ZNF407: variants seen among roughly 807,000 people sequenced by gnomAD.
ZNF407 encodes the protein zinc finger protein 407.
In ZNF407, 17 loss-of-function variants were observed where a neutral mutation model predicts 131.2. That is an observed-to-expected ratio of 0.13 (90% CI 0.09 to 0.19). The LOEUF (loss-of-function observed/expected upper bound fraction) is 0.19. ZNF407 is among the 10% of genes least tolerant of loss of function. The pLI is 1.00. For synonymous variants in ZNF407, 1,156 were observed against 1,062.0 expected (o/e 1.09, Z -1.72); for missense variants, 2,681 against 2,830.6 (o/e 0.95, Z 1.20).
intron 3 of ZNF407, among the ~76,000 whole-genome samples, chr18:74,649,467 C>G (rs192684194): frequency 1.3e-5 from 2 of 152,270 alleles, no homozygotes; most frequent in African/African-American, 4.8e-5. Context: ...TGGCTAGGGA[C>G]ATTGATAGTC....
chr18:74,901,517 G>A (rs1200627991), intron 7 of ZNF407, among the ~76,000 whole-genome samples: 1 of 152,174 alleles, frequency 6.6e-6, no homozygotes, highest in Admixed American at 6.5e-5. Context: ...AAGCTTCCCT[G>A]TACTAGGCTA....
At chr18:74,857,923 TCTCCCCTCCCCTCCC>T (rs377479278) in intron 4 of ZNF407, among the ~76,000 whole-genome samples, 1 of 85,784 alleles carries the variant, frequency 1.2e-5, no homozygotes, top group Non-Finnish European at 2.2e-5. Context: ...CCTCCCCTCC[TCTCCCCTCCCCTCCC>T]CTCCCCTTCC....
At chr18:74,759,664 C>T (rs901116841) in intron 3 of ZNF407, among the ~76,000 whole-genome samples, 5 of 151,734 alleles carry the variant, frequency 3.3e-5, no homozygotes, top group African/African-American at 1.2e-4. Flanking sequence ...GTGAATTTTT[C>T]GTTCAATTAT....
At chr18:74,772,340 C>T (rs1163742854) in intron 3 of ZNF407, among the ~76,000 whole-genome samples, 1 of 152,150 alleles carries the variant, frequency 6.6e-6, no homozygotes, top group East Asian at 1.9e-4. Context: ...CCCTATAAAT[C>T]ATCTAAATCT....
At chr18:74,695,896 ATGAGACTACGG>A (rs1967343193) in intron 3 of ZNF407, among the ~76,000 whole-genome samples, 1 of 152,218 alleles carries the variant, frequency 6.6e-6, no homozygotes, top group African/African-American at 2.4e-5. Flanking sequence ...TAAATATATT[ATGAGACTACGG>A]TGTAGTGTTT....
chr18:74,620,962 G>A (rs1983485898), intron 1 of ZNF407, among the ~76,000 whole-genome samples: 1 of 152,192 alleles, frequency 6.6e-6, no homozygotes, highest in Admixed American at 6.5e-5. Flanking sequence ...AGTTACCTCC[G>A]AGGCAGGCCC....
chr18:75,027,211 G>C (rs899725873), intron 8 of ZNF407, among the ~76,000 whole-genome samples: 1 of 152,216 alleles, frequency 6.6e-6, no homozygotes, highest in African/African-American at 2.4e-5. Flanking sequence ...AGAGTGAGCT[G>C]TGCGGCACAT....
At chr18:74,980,115 T>C (rs1249516240) in intron 8 of ZNF407, among the ~76,000 whole-genome samples, 1 of 152,168 alleles carries the variant, frequency 6.6e-6, no homozygotes, top group Admixed American at 6.5e-5. Flanking sequence ...AAAATGTGTT[T>C]CCCTCTATTC....
chr18:74,671,171 A>G (rs1322978968), intron 3 of ZNF407, among the ~76,000 whole-genome samples: 2 of 152,136 alleles, frequency 1.3e-5, no homozygotes, highest in Non-Finnish European at 2.9e-5. Context: ...TGTCAATTCT[A>G]GGTGCCTCAT....
intron 8 of ZNF407, among the ~76,000 whole-genome samples, chr18:75,005,853 G>C (rs1311310140): frequency 6.6e-6 from 1 of 152,034 alleles, no homozygotes; most frequent in Non-Finnish European, 1.5e-5. Flanking sequence ...AGCTCTTGCT[G>C]GTCATGTCTG....
chr18:74,908,953 G>A (rs552078551), intron 7 of ZNF407, among the ~76,000 whole-genome samples: 1 of 151,884 alleles, frequency 6.6e-6, no homozygotes, highest in South Asian at 2.1e-4. Flanking sequence ...AACTTCTTGA[G>A]TTTAATTTAC....
intron 3 of ZNF407, among the ~76,000 whole-genome samples, chr18:74,668,507 C>T (rs983605062): frequency 2.6e-5 from 4 of 152,202 alleles, no homozygotes; most frequent in Non-Finnish European, 5.9e-5. Flanking sequence ...ACCCAGTGTT[C>T]AGAGTGTTTC....
intron 1 of ZNF407, among the ~76,000 whole-genome samples, chr18:74,613,274 TTTATC>T (rs199967589): frequency 1.0e-3 from 154 of 147,472 alleles, no homozygotes; most frequent in African/African-American, 3.6e-3. Context: ...TTTTGTCATA[TTTATC>T]TTATATTATG....
At chr18:74,811,988 A>G (rs1403304985) in intron 4 of ZNF407, among the ~76,000 whole-genome samples, 1 of 150,892 alleles carries the variant, frequency 6.6e-6, no homozygotes, top group Non-Finnish European at 1.5e-5. Context: ...ATATGTAACT[A>G]ACCTGCACAT....
chr18:74,693,949 C>G (rs189859232), intron 3 of ZNF407, among the ~76,000 whole-genome samples: 7 of 151,998 alleles, frequency 4.6e-5, no homozygotes, highest in Admixed American at 3.9e-4. Flanking sequence ...TTTTAACTTT[C>G]TTTGTATATA....
At chr18:75,044,881 A>G (rs1272847843) in intron 8 of ZNF407, among the ~76,000 whole-genome samples, 1 of 152,218 alleles carries the variant, frequency 6.6e-6, no homozygotes, top group Non-Finnish European at 1.5e-5. Context: ...TTTGTACATC[A>G]TAGTTCTTCC....
chr18:74,923,967 A>G (rs1971880085), intron 8 of ZNF407, among the ~76,000 whole-genome samples: 1 of 152,144 alleles, frequency 6.6e-6, no homozygotes, highest in Non-Finnish European at 1.5e-5. Context: ...ATGTCCCTCA[A>G]GCAGAATGTA....
At chr18:74,785,979 C>A (rs1427361749) in intron 4 of ZNF407, among the ~76,000 whole-genome samples, 7 of 152,180 alleles carry the variant, frequency 4.6e-5, no homozygotes, top group African/African-American at 1.7e-4. Flanking sequence ...TGATGCTTCA[C>A]AGGGTTGTTT....
chr18:74,657,757 A>G (rs906411227), intron 3 of ZNF407, among the ~76,000 whole-genome samples: 4 of 152,078 alleles, frequency 2.6e-5, no homozygotes, highest in African/African-American at 4.8e-5. Flanking sequence ...TGTTCCATCA[A>G]ATACTGTCGT....
Sources: allele counts gnomAD v4.1 joint callset (sites outside exome capture counted in the v4.1 genomes callset), GRCh38; gene constraint gnomAD v4.1.1; transcripts MANE v1.5; gene names NCBI Gene and HGNC (gene_info 2026-07-23, HGNC 2026-07-21).